PNPLA2: variants seen among roughly 807,000 people sequenced by gnomAD.
The protein encoded by PNPLA2 is patatin like domain 2, triacylglycerol lipase.
PNPLA2 carries 28 observed loss-of-function variants against 39.7 expected under a neutral mutation model. That is an observed-to-expected ratio of 0.70 (90% CI 0.52 to 0.97). The LOEUF is 0.97. Ranked by LOEUF, PNPLA2 falls within the 50% of genes least tolerant of loss-of-function variation. PNPLA2 has a pLI of 0.00. For synonymous variants in PNPLA2, 392 were observed against 321.1 expected (o/e 1.22, Z -2.36); for missense variants, 768 against 698.2 (o/e 1.10, Z -1.13).
intron 4 of PNPLA2, 49 bp downstream of exon 4, chr11:822,072 G>A: frequency 1.3e-6 from 2 of 1,552,520 alleles, no homozygotes; most frequent in Non-Finnish European, 1.8e-6. Flanking sequence ...GCCGTGGGAT[G>A]AGGGACAGAG....
rs1358642645 is a variant in PNPLA2 at position 823,247 on chromosome 11, C to T, written c.697-280C>T. ...TAATTTTTTGTATTTTTAGTAGAGA[C>T]GGGGTTTCACCGTGTTAGCCAGGAT... is the stretch of plus-strand genomic sequence containing the variant. On this transcript the variant is annotated intron_variant, in intron 5 of 9. Coordinates refer to ENST00000336615, the MANE Select transcript of PNPLA2 (RefSeq NM_020376.4). Among the ~76,000 whole-genome samples the T allele has an allele frequency of 2.0e-5, 3 of 151,760 alleles. No individual in the cohort carries two copies. In the East Asian group the frequency reaches 5.8e-4, roughly 29 times the overall value.
Position 825,312 on chromosome 11 carries a change from C to G in PNPLA2, c.*450C>G. On this transcript the variant is annotated 3_prime_UTR_variant, in exon 10 of 10. Transcript: ENST00000336615. ...GCCCTACCTTGGCTGACCAGCCTCT[C>G]CACAGCTGCAGGCCAGGTCTCCCAG... The G allele has an allele frequency of 3.8e-6, 1 of 266,270 alleles. No individual in the cohort carries two copies. The highest frequency in any genetic ancestry group is 3.5e-5 in the South Asian group (1 of 28,918). The allele number at this position is 266,270 out of a possible 1,614,324, so 16.5% of individuals were successfully genotyped here.
In PNPLA2 at chr11:824,893, A is replaced by C; in HGVS notation, c.*31A>C. 7 of 1,490,126 alleles carry C rather than the reference A, an allele frequency of 4.7e-6. No individual in the cohort carries two copies. The highest frequency in any genetic ancestry group is 6.3e-6 in the Non-Finnish European group (7 of 1,105,368). The allele number at this position is 1,490,126 out of a possible 1,614,324, so 92.3% of individuals were successfully genotyped here. A position where few individuals can be genotyped will look rare whatever the true frequency, so the allele number is the denominator to read the frequency against. ...CGACCCTCTCGAGGAACCCTGCCTGAGACGCCTCCATTACCACTGCGCAGT... is the reference window on the plus strand; with the variant it reads ...CGACCCTCTCGAGGAACCCTGCCTGCGACGCCTCCATTACCACTGCGCAGT... On this transcript the variant is annotated 3_prime_UTR_variant, in exon 10 of 10. Transcript: ENST00000336615.
In PNPLA2 at chr11:819,596, G is replaced by T; in HGVS notation, c.-123G>T. The T allele has an allele frequency of 1.6e-6, 2 of 1,274,848 alleles. No individual in the cohort carries two copies. Among genetic ancestry groups the T allele is most frequent in the Non-Finnish European group, 2.0e-6 (2 of 998,280 alleles). The allele number at this position is 1,274,848 out of a possible 1,614,324, so 79.0% of individuals were successfully genotyped here. On this transcript the variant is annotated 5_prime_UTR_variant, in exon 2 of 10. Coordinates refer to ENST00000336615, the MANE Select transcript of PNPLA2 (RefSeq NM_020376.4). ...TAGCTTCTTCGCCTCCGCCAGCGGGGACCCCGAGCTAGAGCCGCAGCGGGA... is the reference window on the plus strand; with the variant it reads ...TAGCTTCTTCGCCTCCGCCAGCGGGTACCCCGAGCTAGAGCCGCAGCGGGA...
intron 4 of PNPLA2, 52 bp downstream of exon 4, chr11:822,075 G>A (rs776218730): frequency 6.5e-7 from 1 of 1,528,122 alleles, no homozygotes; most frequent in Non-Finnish European, 9.1e-7. Context: ...GTGGGATGAG[G>A]GACAGAGGAG....
At chr11:823,428 G>A (rs896806641) in intron 5 of PNPLA2, 99 bp from the exon 6 acceptor site, 4 of 1,063,718 alleles carry the variant, frequency 3.8e-6, no homozygotes, top group Non-Finnish European at 5.7e-6. Context: ...TGGGAGCTGC[G>A]GGTAGTGAAG....
rs754108863 is a variant in PNPLA2 at position 823,844 on chromosome 11, G to C, written c.908G>C (p.Arg303Pro). 12 of 1,586,708 alleles carry C rather than the reference G, an allele frequency of 7.6e-6. No homozygotes were observed. Among genetic ancestry groups the C allele is most frequent in the Non-Finnish European group, 1.0e-5 (12 of 1,167,606 alleles). Residue 303 changes from arginine (R) to proline (P), a missense_variant, in exon 7 of 10, where the codon CGG becomes CCG. Arg to Pro is a moderately radical substitution (Grantham distance 103). Coordinates refer to ENST00000336615, the MANE Select transcript of PNPLA2 (RefSeq NM_020376.4). ...EDHILEHLPA[R>P]LNEALLEACV... is the part of the protein sequence containing the mutation. ...CACATCCTGGAGCACCTGCCCGCCC[G>C]GCTCAATGAGGGTGCGCACCTGGGG...
intron 5 of PNPLA2, 92 bp downstream of exon 5, chr11:822,698 G>A (rs1845710979): frequency 4.5e-6 from 5 of 1,118,064 alleles, no homozygotes; most frequent in South Asian, 3.7e-5. Context: ...GAGTGCCCAG[G>A]GTAGGGTGGT....
At position 824,705 on chromosome 11, in the gene PNPLA2, C is replaced by T; in HGVS notation, c.1358C>T (p.Ala453Val). Residue 453 changes from alanine to valine, a missense_variant, in exon 10 of 10, where the codon GCC (alanine) becomes GTC (valine). By Grantham distance (64) the Ala-to-Val change is moderately conservative. Transcript: ENST00000336615. The part of the protein sequence containing the change: ...LLLGLFCTNV[A>V]FPPEALRMRA... ...CTCGGCCTCTTCTGCACCAACGTGG[C>T]CTTCCCGCCCGAAGCTCTGCGCATG... 1 of 1,592,308 alleles carries T rather than the reference C, an allele frequency of 6.3e-7. No homozygotes were observed. The highest frequency in any genetic ancestry group is 8.5e-7 in the Non-Finnish European group (1 of 1,176,490).
chr11:823,073 T>A (rs1449799567), intron 5 of PNPLA2, among the ~76,000 whole-genome samples: 1 of 151,730 alleles, frequency 6.6e-6, no homozygotes, highest in Non-Finnish European at 1.5e-5. Context: ...TTATTTTTTT[T>A]TTGAGATGAA....
intron 8 of PNPLA2, 45 bp from the exon 9 acceptor site, chr11:824,269 T>A (rs2133850578): frequency 6.5e-7 from 1 of 1,549,246 alleles, no homozygotes; most frequent in South Asian, 1.2e-5. Context: ...GGTGGGCATG[T>A]GGGTCTGGCC....
chr11:824,806 T>C lies in PNPLA2; in HGVS notation c.1459T>C (p.Leu487=), dbSNP rs541287299. Residue 487 remains leucine, a synonymous_variant, in exon 10 of 10, where the codon TTG becomes CTG. Coordinates refer to ENST00000336615, the MANE Select transcript of PNPLA2 (RefSeq NM_020376.4). ...PQHQLAGPAP[L]LSTPAPEARP... ...GCACCAGCTGGCCGGGCCTGCCCCC[T>C]TGCTGAGCACCCCTGCTCCCGAGGC... 43 of 1,534,194 alleles carry C rather than the reference T, an allele frequency of 2.8e-5. No homozygotes were observed. The African/African-American group carries it at 5.5e-4, about 20-fold the overall frequency.
Position 821,480 on chromosome 11 carries a change from C to T in PNPLA2, c.188-148C>T, listed in dbSNP as rs189914334. ...TGTCTGCCATCCCAGGGGAGGTGGC[C>T]AAAGTCCCAACTGTGAGCCAGGCCC... On this transcript the variant is annotated intron_variant, in intron 2 of 9. Coordinates refer to ENST00000336615, the MANE Select transcript of PNPLA2 (RefSeq NM_020376.4). The T allele has an allele frequency of 7.3e-6, 5 of 687,856 alleles. No individual in the cohort carries two copies. The Admixed American group carries it at 8.6e-5, about 12-fold the overall frequency. The allele number at this position is 687,856 out of a possible 1,614,324, so 42.6% of individuals were successfully genotyped here. A position where few individuals can be genotyped will look rare whatever the true frequency, so the allele number is the denominator to read the frequency against.
chr11:822,343 G>A, intron 4 of PNPLA2, 54 bp from the exon 5 acceptor site: 1 of 1,509,460 alleles, frequency 6.6e-7, no homozygotes, highest in Non-Finnish European at 9.2e-7. Flanking sequence ...GGGGTGGGTG[G>A]CCAGTGCAGC....
In PNPLA2 at chr11:821,313, G is replaced by A. The variant is rs116334847; in HGVS notation, c.188-315G>A. ...TGCTGGATCTGGCCAAGTGGGTGAA[G>A]GCTAAGGCCGGTCAGAGTTGAGTTT... is the stretch of plus-strand genomic sequence containing the variant. On this transcript the variant is annotated intron_variant, in intron 2 of 9. Coordinates refer to ENST00000336615, the MANE Select transcript of PNPLA2 (RefSeq NM_020376.4). 1,155 of 473,656 alleles carry A rather than the reference G, an allele frequency of 2.4e-3. 6 individuals carry two copies. The highest frequency in any genetic ancestry group is 0.021 in the African/African-American group (1,057 of 51,104). 29.3% of individuals were successfully genotyped at this position (473,656 alleles called of 1,614,324 possible).
chr11:824,496 C>T (rs76574419), intron 9 of PNPLA2, 27 bp from the exon 10 acceptor site: 16 of 1,544,520 alleles, frequency 1.0e-5, no homozygotes, highest in African/African-American at 4.1e-5. Context: ...GAGCTGAAGC[C>T]CTCCCTGCCG....
At chr11:820,120 G>A (rs1325843712) in intron 2 of PNPLA2, among the ~76,000 whole-genome samples, 2 of 152,366 alleles carry the variant, frequency 1.3e-5, no homozygotes, top group Admixed American at 6.5e-5. Flanking sequence ...CCCGGGGCCC[G>A]CCTGTCTGGC....
At chr11:822,931 T>C (rs1565087835) in intron 5 of PNPLA2, among the ~76,000 whole-genome samples, 2 of 152,090 alleles carry the variant, frequency 1.3e-5, no homozygotes, top group Non-Finnish European at 2.9e-5. Context: ...TTCAAGCTAT[T>C]CTCCTGCCTC....
At chr11:819,549 C>T (rs1845598843) in intron 1 of PNPLA2, 25 bp from the exon 2 acceptor site, 1 of 1,290,384 alleles carries the variant, frequency 7.7e-7, no homozygotes, top group East Asian at 3.3e-5. Flanking sequence ...CACTTAAAAG[C>T]GCCGCCTCCG....
Sources: gnomAD v4.1 joint callset for allele counts (sites outside exome capture counted in the v4.1 genomes callset) on GRCh38, gnomAD v4.1.1 for gene constraint, MANE v1.5 for transcripts, NCBI Gene and HGNC (gene_info 2026-07-23, HGNC 2026-07-21) for gene names.